CHRM2: variants seen among roughly 807,000 people sequenced by gnomAD.
The protein encoded by CHRM2 is muscarinic acetylcholine receptor M2.
In CHRM2, 8 loss-of-function variants were observed where a neutral mutation model predicts 25.0. The ratio of observed to expected loss-of-function variants is 0.32; its 90% CI spans 0.19 to 0.58. CHRM2 has a LOEUF of 0.58. CHRM2 is among the 20% of genes least tolerant of loss of function. CHRM2 has a pLI of 0.88. For synonymous variants in CHRM2, 202 were observed against 205.7 expected (o/e 0.98, Z 0.15); for missense variants, 440 against 567.1 (o/e 0.78, Z 2.28).
chr7:136,982,878 T>G (rs1042296071), intron 2 of CHRM2, among the ~76,000 whole-genome samples: 1 of 152,208 alleles, frequency 6.6e-6, no homozygotes, highest in Non-Finnish European at 1.5e-5. Flanking sequence ...TTAACATTTT[T>G]TCCTTCATTT....
intron 2 of CHRM2, among the ~76,000 whole-genome samples, chr7:136,929,451 T>G (rs1419421286): frequency 6.6e-6 from 1 of 152,080 alleles, no homozygotes; most frequent in Non-Finnish European, 1.5e-5. Context: ...GCCTCCTACC[T>G]CTACTAGGTT....
chr7:136,903,990 A>G (rs1485624561), intron 2 of CHRM2, among the ~76,000 whole-genome samples: 1 of 151,920 alleles, frequency 6.6e-6, no homozygotes, highest in East Asian at 1.9e-4. Flanking sequence ...TCTAAATCCA[A>G]TGGCTTTAAT....
chr7:136,997,013 A>C (rs541645902), intron 3 of CHRM2, among the ~76,000 whole-genome samples: 1 of 152,192 alleles, frequency 6.6e-6, no homozygotes, highest in Non-Finnish European at 1.5e-5. Context: ...ACCCAGCTGT[A>C]TCTCAACAGT....
Position 136,939,601 on chromosome 7 carries a change from TTAA to T in CHRM2, c.-124-52581_-124-52579del, listed in dbSNP as rs148126007. Among the ~76,000 whole-genome samples the T allele has an allele frequency of 6.0e-3, 920 of 152,330 alleles. 5 individuals carry two copies. The highest frequency in any genetic ancestry group is 0.021 in the African/African-American group (889 of 41,566). On this transcript the variant is annotated intron_variant, in intron 2 of 3. Transcript: ENST00000680005. The stretch of plus-strand genomic sequence containing the variant: ...TAAGATTCTGGGTTGGGATGTCAAG[TTAA>T]TAATTTTAGATGTTCTTTAATTTGG...
chr7:136,918,310 A>G (rs192368683), intron 2 of CHRM2, among the ~76,000 whole-genome samples: 174 of 152,250 alleles, frequency 1.1e-3, no homozygotes, highest in African/African-American at 4.0e-3. Flanking sequence ...TCTATTTAAC[A>G]TATGGATATT....
At chr7:136,936,391 T>A (rs1390418117) in intron 2 of CHRM2, among the ~76,000 whole-genome samples, 1 of 152,084 alleles carries the variant, frequency 6.6e-6, no homozygotes, top group Non-Finnish European at 1.5e-5. Context: ...GAACAAAGGG[T>A]AAAAACTACA....
At chr7:136,894,403 G>A (rs1286736820) in intron 2 of CHRM2, among the ~76,000 whole-genome samples, 6 of 151,930 alleles carry the variant, frequency 3.9e-5, no homozygotes, top group East Asian at 1.9e-4. Flanking sequence ...CAGGAGTCTC[G>A]CTTTGTTACC....
At chr7:136,937,685 C>T (rs1176440222) in intron 2 of CHRM2, among the ~76,000 whole-genome samples, 1 of 152,106 alleles carries the variant, frequency 6.6e-6, no homozygotes, top group Non-Finnish European at 1.5e-5. Context: ...AGAAAATAAG[C>T]CTTGTGCACT....
chr7:136,873,121 T>C (rs1795904869), intron 2 of CHRM2, among the ~76,000 whole-genome samples: 1 of 152,236 alleles, frequency 6.6e-6, no homozygotes, highest in Non-Finnish European at 1.5e-5. Flanking sequence ...GACTCCTATG[T>C]ATCGAAAGCC....
rs1460882519 is a variant in CHRM2 at position 136,928,971 on chromosome 7, C to T, written c.-125+59553C>T. On this transcript the variant is annotated intron_variant, in intron 2 of 3. Coordinates refer to ENST00000680005, the MANE Select transcript of CHRM2 (RefSeq NM_001006630.2). ...TGATGCATTTGATGAGGGTGTAAAG[C>T]GCTGTAAATGATGTTGGTTATTGCT... 3.9e-5 allele frequency among the ~76,000 whole-genome samples: 6 copies of T among 152,144 alleles called. No homozygotes were observed. The South Asian group carries it at 6.2e-4, about 16-fold the overall frequency.
At chr7:137,010,172 A>G (rs1804709787) in intron 3 of CHRM2, among the ~76,000 whole-genome samples, 1 of 152,122 alleles carries the variant, frequency 6.6e-6, no homozygotes, top group African/African-American at 2.4e-5. Context: ...ACATGCTCAG[A>G]GTCTCACAGC....
intron 3 of CHRM2, among the ~76,000 whole-genome samples, chr7:137,007,326 C>G (rs1486697983): frequency 6.6e-6 from 1 of 152,126 alleles, no homozygotes. Context: ...TTGTTGGTCA[C>G]CCATTCCTAC....
intron 2 of CHRM2, among the ~76,000 whole-genome samples, chr7:136,921,064 A>C (rs1033723188): frequency 1.3e-5 from 2 of 152,040 alleles, no homozygotes; most frequent in Non-Finnish European, 2.9e-5. Flanking sequence ...TTCCTAGAAA[A>C]TGCTTCCAGA....
intron 2 of CHRM2, among the ~76,000 whole-genome samples, chr7:136,958,711 C>T (rs1563090671): frequency 6.6e-6 from 1 of 152,124 alleles, no homozygotes; most frequent in Non-Finnish European, 1.5e-5. Context: ...CCTGCCTCAG[C>T]CTCCCACAGT....
At chr7:136,928,468 C>T (rs550786748) in intron 2 of CHRM2, among the ~76,000 whole-genome samples, 5 of 152,190 alleles carry the variant, frequency 3.3e-5, no homozygotes, top group Admixed American at 2.6e-4. Context: ...CTATGTTGAT[C>T]CTGGAACATG....
At chr7:136,989,829 T>G (rs1803099336) in intron 2 of CHRM2, among the ~76,000 whole-genome samples, 1 of 152,144 alleles carries the variant, frequency 6.6e-6, no homozygotes, top group Non-Finnish European at 1.5e-5. Flanking sequence ...GTACTTCCTT[T>G]TTTAGAACCT....
chr7:137,000,547 A>AGAAGGAAGGAAGGAAG (rs780148176), intron 3 of CHRM2, among the ~76,000 whole-genome samples: 9,928 of 95,090 alleles, frequency 0.1, 872 homozygotes, highest in African/African-American at 0.17. Flanking sequence ...AAAGAAAGAA[A>AGAAGGAAGGAAGGAAG]GAAGGAAGGA....
chr7:136,910,653 T>C (rs1458338896), intron 2 of CHRM2, among the ~76,000 whole-genome samples: 1 of 151,976 alleles, frequency 6.6e-6, no homozygotes, highest in Non-Finnish European at 1.5e-5. Context: ...TTCTTTCCTC[T>C]CCCACCTTTC....
rs1805254330 is a variant in CHRM2, at chr7:137,017,623, AT to A, written c.*1359del. 1.3e-5 allele frequency: 2 copies of A among 152,004 alleles called. No homozygotes were observed. The highest frequency in any genetic ancestry group is 4.8e-5 in the African/African-American group (2 of 41,440). 9.4% of individuals were successfully genotyped at this position (152,004 alleles called of 1,614,324 possible). A position where few individuals can be genotyped will look rare whatever the true frequency, so the allele number is the denominator to read the frequency against. The stretch of plus-strand genomic sequence containing the variant: ...ATATTCCATATTCCTCAAATTGTCA[AT>A]TCTCCCTAACATTATTTAACTTCAA... On this transcript the variant is annotated 3_prime_UTR_variant, in exon 4 of 4. Coordinates refer to ENST00000680005, the MANE Select transcript of CHRM2 (RefSeq NM_001006630.2).
Sources: gnomAD v4.1 joint callset for allele counts (sites outside exome capture counted in the v4.1 genomes callset) on GRCh38, gnomAD v4.1.1 for gene constraint, MANE v1.5 for transcripts, NCBI Gene and HGNC (gene_info 2026-07-23, HGNC 2026-07-21) for gene names.